Variants in ROR1 observed in about 807,000 individuals in gnomAD.
ROR1 encodes inactive tyrosine-protein kinase transmembrane receptor ROR1.
ROR1 carries 19 observed loss-of-function variants against 78.8 expected under a neutral mutation model. The ratio of observed to expected loss-of-function variants is 0.24; its 90% CI spans 0.17 to 0.35. The LOEUF (loss-of-function observed/expected upper bound fraction) is 0.35. Among genes scored for constraint, ROR1 ranks in the 10% least tolerant of loss-of-function variants. ROR1 has a pLI of 1.00. For missense variants in ROR1, 917 were observed against 1,177.8 expected (o/e 0.78, Z 3.24); for synonymous variants, 386 against 433.6 (o/e 0.89, Z 1.36).
intron 1 of ROR1, among the ~76,000 whole-genome samples, chr1:63,824,977 A>G (rs189654829): frequency 2.0e-3 from 301 of 152,280 alleles, no homozygotes; most frequent in Non-Finnish European, 3.7e-3. Flanking sequence ...AACCACAATA[A>G]AATACCACTA....
intron 2 of ROR1, among the ~76,000 whole-genome samples, chr1:64,043,914 C>G (rs544298546): frequency 6.6e-6 from 1 of 152,266 alleles, no homozygotes; most frequent in East Asian, 1.9e-4. Flanking sequence ...CAGAATAGTG[C>G]CTGGCATTTT....
chr1:63,938,525 G>T (rs1005198199), intron 1 of ROR1, among the ~76,000 whole-genome samples: 20 of 152,214 alleles, frequency 1.3e-4, no homozygotes, highest in African/African-American at 4.8e-4. Flanking sequence ...GCCTGAGTGT[G>T]CCCACTTGCT....
At chr1:64,021,661 C>T (rs556391181) in intron 2 of ROR1, among the ~76,000 whole-genome samples, 85 of 152,218 alleles carry the variant, frequency 5.6e-4, no homozygotes, top group African/African-American at 2.0e-3. Context: ...TTCTCAGTGA[C>T]TATTTATTTC....
At chr1:64,001,351 G>A (rs914241374) in intron 1 of ROR1, among the ~76,000 whole-genome samples, 7 of 152,216 alleles carry the variant, frequency 4.6e-5, no homozygotes, top group African/African-American at 1.7e-4. Flanking sequence ...TGGGAGGAGG[G>A]AGATGGGTAG....
chr1:63,786,297 G>T (rs1286414909), intron 1 of ROR1, among the ~76,000 whole-genome samples: 10 of 104,402 alleles, frequency 9.6e-5, no homozygotes, highest in African/African-American at 3.5e-4. Flanking sequence ...TTTTGAGACA[G>T]AGTCTCGCTC....
At chr1:63,973,379 G>A (rs1468653190) in intron 1 of ROR1, among the ~76,000 whole-genome samples, 4 of 152,156 alleles carry the variant, frequency 2.6e-5, no homozygotes, top group South Asian at 2.1e-4. Context: ...ACGATAATGC[G>A]ATGCCTGCAG....
intron 1 of ROR1, among the ~76,000 whole-genome samples, chr1:63,805,889 T>C (rs1288388775): frequency 6.6e-6 from 1 of 152,194 alleles, no homozygotes; most frequent in African/African-American, 2.4e-5. Context: ...TGCAGTGGAA[T>C]GCACCTGTAG....
chr1:64,017,390 G>A (rs148822586), intron 2 of ROR1, among the ~76,000 whole-genome samples: 90 of 152,212 alleles, frequency 5.9e-4, no homozygotes, highest in Non-Finnish European at 9.6e-4. Flanking sequence ...CTCTAAGACC[G>A]GTATTAATCC....
At chr1:63,958,798 G>T (rs987618516) in intron 1 of ROR1, among the ~76,000 whole-genome samples, 7 of 152,150 alleles carry the variant, frequency 4.6e-5, no homozygotes, top group Non-Finnish European at 7.3e-5. Context: ...AAGTAAAAGG[G>T]TAAAGGACAA....
intron 5 of ROR1, among the ~76,000 whole-genome samples, chr1:64,138,299 A>G (rs1649188748): frequency 1.3e-5 from 2 of 152,252 alleles, no homozygotes; most frequent in Admixed American, 6.5e-5. Context: ...CAGGATACCC[A>G]GTAACATTTG....
chr1:64,090,827 G>A (rs1428362390), intron 4 of ROR1, among the ~76,000 whole-genome samples: 22 of 152,114 alleles, frequency 1.4e-4, no homozygotes, highest in African/African-American at 4.6e-4. Flanking sequence ...TTTTTCCCTG[G>A]TGGATTTCCT....
intron 1 of ROR1, among the ~76,000 whole-genome samples, chr1:63,902,328 T>C (rs1645491775): frequency 2.6e-5 from 4 of 151,900 alleles, no homozygotes; most frequent in Admixed American, 2.6e-4. Context: ...ACAGACCTTT[T>C]TTTTTTCTTT....
intron 1 of ROR1, among the ~76,000 whole-genome samples, chr1:63,991,289 T>TA (rs1303845710): frequency 6.6e-6 from 1 of 152,202 alleles, no homozygotes; most frequent in Non-Finnish European, 1.5e-5. Flanking sequence ...TAGATTTACT[T>TA]ATGATGGACA....
At chr1:64,129,513 G>T (rs1648837928) in intron 4 of ROR1, among the ~76,000 whole-genome samples, 1 of 152,126 alleles carries the variant, frequency 6.6e-6, no homozygotes, top group Admixed American at 6.5e-5. Context: ...TAAGAACTTG[G>T]GGGCGCTGAA....
At chr1:63,971,602 C>G (rs1056103232) in intron 1 of ROR1, among the ~76,000 whole-genome samples, 1 of 152,112 alleles carries the variant, frequency 6.6e-6, no homozygotes, top group Non-Finnish European at 1.5e-5. Flanking sequence ...AAATCATCTG[C>G]AAAACCCCAC....
At chr1:64,102,234 C>A (rs565120440) in intron 4 of ROR1, among the ~76,000 whole-genome samples, 1 of 152,098 alleles carries the variant, frequency 6.6e-6, no homozygotes, top group Non-Finnish European at 1.5e-5. Flanking sequence ...CAAGAAGGAG[C>A]GTGGAAAGTA....
At chr1:64,132,796 A>G (rs1648969105) in intron 4 of ROR1, among the ~76,000 whole-genome samples, 2 of 135,660 alleles carry the variant, frequency 1.5e-5, no homozygotes, top group Non-Finnish European at 3.0e-5. Flanking sequence ...AGAGAGAGAT[A>G]GGCATTTTAA....
intron 1 of ROR1, among the ~76,000 whole-genome samples, chr1:63,979,605 T>C (rs1330873656): frequency 6.6e-6 from 1 of 152,058 alleles, no homozygotes; most frequent in East Asian, 1.9e-4. Context: ...TGGCCTTCAG[T>C]CTTCTTTGGG....
intron 2 of ROR1, among the ~76,000 whole-genome samples, chr1:64,047,153 TAG>T (rs1359167733): frequency 6.6e-6 from 1 of 152,204 alleles, no homozygotes; most frequent in African/African-American, 2.4e-5. Context: ...CTGGAAATCA[TAG>T]TAATTAATGT....
Sources: allele counts gnomAD v4.1 joint callset (sites outside exome capture counted in the v4.1 genomes callset), GRCh38; gene constraint gnomAD v4.1.1; transcripts MANE v1.5; gene names NCBI Gene and HGNC (gene_info 2026-07-23, HGNC 2026-07-21).